The following RNLS variants were observed in gnomAD, a reference collection of about 807,000 sequenced individuals.
The protein encoded by RNLS is renalase, FAD dependent amine oxidase, also known as renalase.
A neutral mutation model predicts 39.8 loss-of-function variants in RNLS; 39 were observed. That is an observed-to-expected ratio of 0.98 (90% confidence interval 0.76 to 1.28). The LOEUF (loss-of-function observed/expected upper bound fraction) is 1.28, where lower values mean the gene tolerates loss of function less well. Among genes scored for constraint, RNLS ranks in the 50% most tolerant of loss-of-function variants. RNLS has a pLI of 0.00. For synonymous variants in RNLS, 147 were observed against 150.7 expected (o/e 0.98, Z 0.18); for missense variants, 410 against 413.3 (o/e 0.99, Z 0.07).
chr10:88,352,273 G>C (rs968515022), intron 5 of RNLS, among the ~76,000 whole-genome samples: 3 of 152,144 alleles, frequency 2.0e-5, no homozygotes, highest in Non-Finnish European at 4.4e-5. Context: ...TCCCTGTCTT[G>C]TGCCAGTTTT....
At chr10:88,255,570 G>A in the RNLS span, among the ~76,000 whole-genome samples, 3 of 152,174 alleles carry the variant, frequency 2.0e-5, no homozygotes, top group South Asian at 4.1e-4. Context: ...AGACGTTGGA[G>A]GCTGTGAGCA....
At chr10:88,229,716 C>T in the RNLS span, among the ~76,000 whole-genome samples, 3 of 152,190 alleles carry the variant, frequency 2.0e-5, no homozygotes, top group Non-Finnish European at 2.9e-5. Context: ...CACTTTCTGT[C>T]CACATGGATT....
chr10:88,335,696 T>C (rs1195034216), intron 5 of RNLS, among the ~76,000 whole-genome samples: 1 of 152,224 alleles, frequency 6.6e-6, no homozygotes, highest in Non-Finnish European at 1.5e-5. Flanking sequence ...GCAGATTTAA[T>C]TTGTTCAAAA....
intron 4 of RNLS, among the ~76,000 whole-genome samples, chr10:88,365,501 C>T (rs1181084067): frequency 7.2e-6 from 1 of 138,776 alleles, no homozygotes; most frequent in Non-Finnish European, 1.5e-5. Flanking sequence ...TAATTCTCAG[C>T]CAATAGGATT....
At chr10:88,233,830 A>G in the RNLS span, among the ~76,000 whole-genome samples, 14 of 152,146 alleles carry the variant, frequency 9.2e-5, no homozygotes, top group Admixed American at 1.3e-4. Context: ...TGCATGCTCT[A>G]TCTTTCCATC....
chr10:88,290,487 A>G (rs1340985912), intron 6 of RNLS, among the ~76,000 whole-genome samples: 1 of 152,240 alleles, frequency 6.6e-6, no homozygotes, highest in African/African-American at 2.4e-5. Context: ...AATGCAAATT[A>G]TGCCACATTT....
intron 4 of RNLS, among the ~76,000 whole-genome samples, chr10:88,565,783 C>T (rs896096665): frequency 1.5e-5 from 2 of 132,034 alleles, no homozygotes; most frequent in Non-Finnish European, 3.1e-5. Context: ...GGGAGTCTCG[C>T]TCTGTCACCA....
At chr10:88,179,231 G>T in the RNLS span, among the ~76,000 whole-genome samples, 1 of 152,134 alleles carries the variant, frequency 6.6e-6, no homozygotes, top group Non-Finnish European at 1.5e-5. Flanking sequence ...GACCAAGATG[G>T]GCTTCACTGA....
At chr10:88,453,323 C>A (rs1023870646) in intron 4 of RNLS, among the ~76,000 whole-genome samples, 1 of 152,218 alleles carries the variant, frequency 6.6e-6, no homozygotes, top group South Asian at 2.1e-4. Flanking sequence ...CCGCCTTACC[C>A]AAAGTCATGC....
At chr10:88,418,260 AT>A (rs1388223273) in intron 4 of RNLS, among the ~76,000 whole-genome samples, 1 of 152,144 alleles carries the variant, frequency 6.6e-6, no homozygotes, top group Non-Finnish European at 1.5e-5. Flanking sequence ...GTAAGTAAGG[AT>A]AACTAACTTG....
intron 6 of RNLS, among the ~76,000 whole-genome samples, chr10:88,313,695 T>C (rs1030388543): frequency 1.3e-5 from 2 of 152,216 alleles, no homozygotes; most frequent in East Asian, 1.9e-4. Flanking sequence ...ATAAATCAGT[T>C]CGTCAACAAG....
At chr10:88,388,718 T>TA (rs1852012803) in intron 4 of RNLS, among the ~76,000 whole-genome samples, 1 of 152,150 alleles carries the variant, frequency 6.6e-6, no homozygotes, top group South Asian at 2.1e-4. Flanking sequence ...CAAACTGAAA[T>TA]TACTTATGTT....
intron 4 of RNLS, among the ~76,000 whole-genome samples, chr10:88,540,205 G>C (rs1358885891): frequency 6.6e-6 from 1 of 152,026 alleles, no homozygotes; most frequent in Admixed American, 6.6e-5. Flanking sequence ...TTCCTCCAAA[G>C]GCCAAAGACA....
chr10:88,574,841 C>T (rs1363937946), intron 3 of RNLS, among the ~76,000 whole-genome samples: 3 of 151,956 alleles, frequency 2.0e-5, no homozygotes, highest in Non-Finnish European at 2.9e-5. Context: ...TCCACCATCT[C>T]CTTTATTCCA....
At chr10:88,575,753 T>C (rs1850161883) in intron 3 of RNLS, among the ~76,000 whole-genome samples, 1 of 152,150 alleles carries the variant, frequency 6.6e-6, no homozygotes, top group Non-Finnish European at 1.5e-5. Flanking sequence ...CTTAGTAAAT[T>C]TGACCATGTC....
intron 5 of RNLS, among the ~76,000 whole-genome samples, chr10:88,318,393 A>G (rs1460240402): frequency 6.6e-6 from 1 of 152,202 alleles, no homozygotes; most frequent in Non-Finnish European, 1.5e-5. Flanking sequence ...AGGGTTGTGG[A>G]GAGGGAGTCA....
In RNLS at chr10:88,314,450, T is replaced by C; in HGVS notation, c.876+16A>G. On this transcript the variant is annotated intron_variant, in intron 6 of 6. Transcript: ENST00000331772. Reference sequence around the variant, plus strand: ...AAGAAAATTGTTGTGCTTAGACCACTGGATTCTTTGATTACCTGTGAATGT... The same window carrying C: ...AAGAAAATTGTTGTGCTTAGACCACCGGATTCTTTGATTACCTGTGAATGT... 1 of 1,612,940 alleles carries C rather than the reference T, an allele frequency of 6.2e-7. No individual in the cohort carries two copies. The highest frequency in any genetic ancestry group is 8.5e-7 in the Non-Finnish European group (1 of 1,179,226).
intron 4 of RNLS, among the ~76,000 whole-genome samples, chr10:88,507,072 T>G (rs1845836170): frequency 6.6e-6 from 1 of 152,174 alleles, no homozygotes. Context: ...CTAATAAAAC[T>G]GATGAATCTT....
At chr10:88,388,877 A>G (rs1852024137) in intron 4 of RNLS, among the ~76,000 whole-genome samples, 1 of 152,182 alleles carries the variant, frequency 6.6e-6, no homozygotes, top group African/African-American at 2.4e-5. Context: ...CTCAATAACT[A>G]TGTGTCGAAT....
Sources: gnomAD v4.1 joint callset for allele counts (sites outside exome capture counted in the v4.1 genomes callset) on GRCh38, gnomAD v4.1.1 for gene constraint, MANE v1.5 for transcripts, NCBI Gene and HGNC (gene_info 2026-07-23, HGNC 2026-07-21) for gene names.